The following ARMC3 variants were observed in gnomAD, a reference collection of about 807,000 sequenced individuals.
The protein encoded by ARMC3 is armadillo repeat-containing protein 3.
In ARMC3, 74 loss-of-function variants were observed where a neutral mutation model predicts 90.3. The ratio of observed to expected loss-of-function variants is 0.82; its 90% CI spans 0.68 to 0.99. The LOEUF (loss-of-function observed/expected upper bound fraction) is 0.99, where lower values mean the gene tolerates loss of function less well. ARMC3 is among the 50% of genes least tolerant of loss of function. ARMC3 has a pLI of 0.00. For missense variants in ARMC3, 958 were observed against 1,042.8 expected, an observed-to-expected ratio of 0.92 and a Z score of 1.12; for synonymous variants, 334 against 361.8, an observed-to-expected ratio of 0.92 and a Z score of 0.87.
intron 16 of ARMC3, among the ~76,000 whole-genome samples, chr10:23,021,342 G>A (rs778262707): frequency 6.6e-6 from 1 of 152,164 alleles, no homozygotes; most frequent in Non-Finnish European, 1.5e-5. Context: ...TAATGGGATG[G>A]CTGGGTCAAA....
At chr10:22,954,584 A>C (rs1834854580) in intron 3 of ARMC3, among the ~76,000 whole-genome samples, 1 of 151,642 alleles carries the variant, frequency 6.6e-6, no homozygotes, top group Non-Finnish European at 1.5e-5. Context: ...AGGTGAGAGA[A>C]TCGCTTGAGC....
chr10:23,019,758 T>A (rs1240163515), intron 16 of ARMC3, among the ~76,000 whole-genome samples: 1 of 152,146 alleles, frequency 6.6e-6, no homozygotes, highest in Non-Finnish European at 1.5e-5. Context: ...TTGCCCAGGC[T>A]GGTCTGGAGC....
chr10:23,008,656 G>T (rs184101236), intron 15 of ARMC3, among the ~76,000 whole-genome samples, 159 bp from the exon 16 acceptor site: 1 of 152,128 alleles, frequency 6.6e-6, no homozygotes, highest in Non-Finnish European at 1.5e-5. Flanking sequence ...AAATAACACC[G>T]GGTCCCTGGC....
At chr10:22,974,101 T>A (rs2927925) in intron 8 of ARMC3, among the ~76,000 whole-genome samples, 54,036 of 152,024 alleles carry the variant, frequency 0.36, 10,842 homozygotes, top group African/African-American at 0.53. Context: ...TTTATGTTTT[T>A]TATCCACTAC....
chr10:22,987,330 C>A (rs74899595), intron 10 of ARMC3, among the ~76,000 whole-genome samples: 1,720 of 152,254 alleles, frequency 0.011, 37 homozygotes, highest in African/African-American at 0.04. Context: ...TAAACTATTA[C>A]TTTATAACAT....
chr10:22,949,016 C>A (rs1834640595), intron 3 of ARMC3, among the ~76,000 whole-genome samples: 1 of 152,134 alleles, frequency 6.6e-6, no homozygotes, highest in Non-Finnish European at 1.5e-5. Context: ...ATCAGCCAGG[C>A]AGAAACTTCA....
intron 10 of ARMC3, among the ~76,000 whole-genome samples, chr10:22,989,770 T>C (rs1186459450): frequency 6.6e-6 from 1 of 152,246 alleles, no homozygotes; most frequent in African/African-American, 2.4e-5. Flanking sequence ...TGGATGCTTT[T>C]CTTTCTGCCC....
In ARMC3 at chr10:22,981,580, T is replaced by C. The variant is rs573132684; in HGVS notation, c.1070-15T>C. ...GCATTTTAAAAGTCACATTTTTACC[T>C]TTCTCTTTCTGTAGGGATTCCACAG... On this transcript the variant is annotated splice_polypyrimidine_tract_variant and intron_variant, in intron 9 of 18. Transcript: ENST00000298032. 7.1e-5 allele frequency: 114 copies of C among 1,613,962 alleles called. No individual in the cohort carries two copies. The South Asian group carries it at 1.2e-3, about 16-fold the overall frequency.
At chr10:23,002,773 C>T (rs749548209) in intron 12 of ARMC3, among the ~76,000 whole-genome samples, 3 of 151,850 alleles carry the variant, frequency 2.0e-5, no homozygotes, top group Non-Finnish European at 2.9e-5. Context: ...AAGGTTTTGC[C>T]GTGTTGGCCA....
chr10:22,970,527 A>G (rs1454093891), intron 8 of ARMC3, among the ~76,000 whole-genome samples: 1 of 152,356 alleles, frequency 6.6e-6, no homozygotes, highest in African/African-American at 2.4e-5. Flanking sequence ...TTCACTTGTT[A>G]AAGAAAGAGA....
chr10:22,992,526 A>ATTTTTAAAT (rs1476621302), intron 10 of ARMC3, among the ~76,000 whole-genome samples: 1 of 152,192 alleles, frequency 6.6e-6, no homozygotes, highest in Non-Finnish European at 1.5e-5. Flanking sequence ...CATTTTAAGC[A>ATTTTTAAAT]TAAGCCTACA....
At chr10:22,930,843 T>C (rs1423550159) in intron 1 of ARMC3, among the ~76,000 whole-genome samples, 2 of 152,230 alleles carry the variant, frequency 1.3e-5, no homozygotes, top group African/African-American at 2.4e-5. Flanking sequence ...AAGATGGCCC[T>C]GATGTCAAAC....
At chr10:23,010,894 CCTTCCCT>C (rs1837966765) in intron 16 of ARMC3, among the ~76,000 whole-genome samples, 5 of 47,310 alleles carry the variant, frequency 1.1e-4, no homozygotes, top group Non-Finnish European at 1.8e-4. Flanking sequence ...CCCTCCCACT[CCTTCCCT>C]TCCTTCCCCT....
At chr10:23,023,315 G>A (rs953934038) in intron 16 of ARMC3, among the ~76,000 whole-genome samples, 1 of 152,116 alleles carries the variant, frequency 6.6e-6, no homozygotes, top group Non-Finnish European at 1.5e-5. Context: ...ACGTGTCATT[G>A]GAATCACTGC....
intron 16 of ARMC3, among the ~76,000 whole-genome samples, chr10:23,022,705 C>G (rs913931530): frequency 6.6e-6 from 1 of 152,168 alleles, no homozygotes; most frequent in Non-Finnish European, 1.5e-5. Context: ...CCCTTTTCCC[C>G]CTTCTACCCC....
chr10:23,001,226 C>G (rs1051115995), intron 11 of ARMC3, among the ~76,000 whole-genome samples: 1 of 152,170 alleles, frequency 6.6e-6, no homozygotes, highest in African/African-American at 2.4e-5. Context: ...AACAAATGAC[C>G]ATCACTTGGC....
chr10:22,960,228 A>T (rs967877439), intron 6 of ARMC3: 1 of 162,654 alleles, frequency 6.1e-6, no homozygotes, highest in Non-Finnish European at 1.3e-5. Flanking sequence ...TGCTGCTTAG[A>T]TTCCTTAACA....
At chr10:22,933,777 C>T (rs1278684882) in intron 2 of ARMC3, among the ~76,000 whole-genome samples, 1 of 152,030 alleles carries the variant, frequency 6.6e-6, no homozygotes, top group Non-Finnish European at 1.5e-5. Flanking sequence ...CCCAGCTACT[C>T]GGGAGGCTGA....
chr10:22,973,293 TTAATAA>T (rs148238155), intron 8 of ARMC3, among the ~76,000 whole-genome samples: 4,594 of 140,860 alleles, frequency 0.033, 169 homozygotes, highest in African/African-American at 0.09. Flanking sequence ...AGCAAGACCC[TTAATAA>T]TAATAATAAT....
Sources: allele counts gnomAD v4.1 joint callset (sites outside exome capture counted in the v4.1 genomes callset), GRCh38; gene constraint gnomAD v4.1.1; transcripts MANE v1.5; gene names NCBI Gene and HGNC (gene_info 2026-07-23, HGNC 2026-07-21).